Variants in COL22A1 observed in about 807,000 individuals in gnomAD.
COL22A1 encodes the protein collagen type XXII alpha 1 chain.
A neutral mutation model predicts 248.9 loss-of-function variants in COL22A1; 221 were observed. The observed-to-expected ratio is 0.89, with a 90% confidence interval of 0.80 to 0.99. The LOEUF (loss-of-function observed/expected upper bound fraction) is 0.99. COL22A1 is among the 50% of genes least tolerant of loss of function. The pLI, the probability that COL22A1 is intolerant of heterozygous loss-of-function variation, is 0.00. For missense variants in COL22A1, 2,240 were observed against 2,179.0 expected, an observed-to-expected ratio of 1.03 and a Z score of -0.56; for synonymous variants, 891 against 793.4, an observed-to-expected ratio of 1.12 and a Z score of -2.07.
At chr8:138,718,545 TC>T (rs1563661909) in intron 27 of COL22A1, among the ~76,000 whole-genome samples, 1 of 152,218 alleles carries the variant, frequency 6.6e-6, no homozygotes, top group African/African-American at 2.4e-5. Context: ...CCTCTGCTCA[TC>T]CCGCAGACAG....
intron 45 of COL22A1, among the ~76,000 whole-genome samples, chr8:138,653,964 C>A (rs1247637088): frequency 1.3e-5 from 2 of 152,214 alleles, no homozygotes; most frequent in African/African-American, 4.8e-5. Context: ...GGCTACCCTG[C>A]ACGTAGGCGC....
chr8:138,850,109 G>T (rs1314051340), intron 3 of COL22A1, among the ~76,000 whole-genome samples: 1 of 152,076 alleles, frequency 6.6e-6, no homozygotes, highest in Admixed American at 6.5e-5. Context: ...GACAACTCAG[G>T]GTTCAGACAT....
chr8:138,612,691 A>G (rs1371744727), intron 56 of COL22A1, among the ~76,000 whole-genome samples: 1 of 151,688 alleles, frequency 6.6e-6, no homozygotes, highest in Non-Finnish European at 1.5e-5. Flanking sequence ...CTTTGGGAGG[A>G]CAAGTGGGGC....
intron 5 of COL22A1, 58 bp downstream of exon 5, chr8:138,832,980 CT>C (rs2131821022): frequency 8.5e-7 from 1 of 1,176,036 alleles, no homozygotes; most frequent in East Asian, 2.3e-5. Context: ...TGCTGGGCCC[CT>C]TTCTTGCCCT....
At chr8:138,710,508 G>A (rs948692015) in intron 30 of COL22A1, among the ~76,000 whole-genome samples, 1 of 151,962 alleles carries the variant, frequency 6.6e-6, no homozygotes, top group Admixed American at 6.6e-5. Flanking sequence ...TATTTCTATT[G>A]TTATTTAGCA....
intron 12 of COL22A1, among the ~76,000 whole-genome samples, chr8:138,786,587 A>T (rs996157907): frequency 6.6e-6 from 1 of 152,208 alleles, no homozygotes; most frequent in African/African-American, 2.4e-5. Flanking sequence ...TGGACTCATC[A>T]TCAGCTGCCC....
intron 2 of COL22A1, among the ~76,000 whole-genome samples, chr8:138,880,790 C>T (rs1824141438): frequency 6.6e-6 from 1 of 152,198 alleles, no homozygotes; most frequent in African/African-American, 2.4e-5. Flanking sequence ...ACAATAACGT[C>T]CCAGGCTGTT....
At chr8:138,760,954 G>C (rs1366082938) in intron 17 of COL22A1, among the ~76,000 whole-genome samples, 3 of 152,032 alleles carry the variant, frequency 2.0e-5, no homozygotes, top group African/African-American at 7.2e-5. Context: ...ACAGACCCCA[G>C]GGAGGGCCTG....
chr8:138,879,615 C>T (rs532462782), intron 2 of COL22A1, among the ~76,000 whole-genome samples: 167 of 138,892 alleles, frequency 1.2e-3, no homozygotes, highest in African/African-American at 4.1e-3. Flanking sequence ...TCCTTTGAGC[C>T]GGGAGGTGGA....
intron 22 of COL22A1, among the ~76,000 whole-genome samples, chr8:138,749,936 G>A (rs1214692967): frequency 6.6e-6 from 1 of 152,170 alleles, no homozygotes; most frequent in African/African-American, 2.4e-5. Context: ...ATCTTGAATT[G>A]TAACTCCCAC....
chr8:138,857,983 T>C (rs143578139), intron 3 of COL22A1, among the ~76,000 whole-genome samples: 1 of 152,342 alleles, frequency 6.6e-6, no homozygotes, highest in Non-Finnish European at 1.5e-5. Flanking sequence ...AAACTGGCCC[T>C]GGAATGACAG....
intron 32 of COL22A1, among the ~76,000 whole-genome samples, chr8:138,695,593 C>CT (rs778309536): frequency 1.3e-5 from 2 of 152,010 alleles, no homozygotes; most frequent in African/African-American, 4.8e-5. Context: ...ACCCTAGACT[C>CT]TGGGTGGTCA....
At chr8:138,831,967 CA>C (rs1820078841) in intron 5 of COL22A1, among the ~76,000 whole-genome samples, 1 of 152,010 alleles carries the variant, frequency 6.6e-6, no homozygotes, top group African/African-American at 2.4e-5. Context: ...GGTAGGAGGT[CA>C]GCACAAAATA....
rs540157269 is a variant in COL22A1 at position 138,771,919 on chromosome 8, G to A, written c.1803+4047C>T. Among the ~76,000 whole-genome samples, 5 of 152,220 alleles carry A rather than the reference G, an allele frequency of 3.3e-5. No individual in the cohort carries two copies. The South Asian group carries it at 6.2e-4, about 19-fold the overall frequency. ...CCTCAGGAGCTCACCCGAAGCCCCCGCAGCCTCCAGGAAGCGTGGAGATCA... is the reference window on the plus strand; with the variant it reads ...CCTCAGGAGCTCACCCGAAGCCCCCACAGCCTCCAGGAAGCGTGGAGATCA... On this transcript the variant is annotated intron_variant, in intron 16 of 64. Transcript: ENST00000303045.
At chr8:138,724,129 T>G (rs1830115210) in intron 25 of COL22A1, among the ~76,000 whole-genome samples, 1 of 152,114 alleles carries the variant, frequency 6.6e-6, no homozygotes, top group Admixed American at 6.5e-5. Flanking sequence ...ACTGTGCCCC[T>G]CCTATCTGGG....
chr8:138,627,618 T>G (rs1483405253), intron 50 of COL22A1, among the ~76,000 whole-genome samples: 2 of 152,180 alleles, frequency 1.3e-5, no homozygotes, highest in East Asian at 3.9e-4. Flanking sequence ...AGGCTGAAAC[T>G]TAAAACATGG....
intron 11 of COL22A1, among the ~76,000 whole-genome samples, chr8:138,799,662 A>C (rs2131616667): frequency 6.6e-6 from 1 of 152,244 alleles, no homozygotes; most frequent in South Asian, 2.1e-4. Flanking sequence ...TTCTCGGTCA[A>C]ACTGTCTGCC....
At chr8:138,806,589 T>C (rs1295474232) in intron 10 of COL22A1, among the ~76,000 whole-genome samples, 1 of 152,158 alleles carries the variant, frequency 6.6e-6, no homozygotes, top group Non-Finnish European at 1.5e-5. Flanking sequence ...ATTTCACCAT[T>C]TCGGCTTTTG....
intron 47 of COL22A1, among the ~76,000 whole-genome samples, chr8:138,637,038 C>A (rs139606244): frequency 1.3e-5 from 2 of 151,832 alleles, no homozygotes; most frequent in African/African-American, 4.8e-5. Context: ...AGGAAAGGGG[C>A]CAGGGAGGCA....
Sources: allele counts gnomAD v4.1 joint callset (sites outside exome capture counted in the v4.1 genomes callset), GRCh38; gene constraint gnomAD v4.1.1; transcripts MANE v1.5; gene names NCBI Gene and HGNC (gene_info 2026-07-23, HGNC 2026-07-21).